Variants in RAD51B observed in about 807,000 individuals in gnomAD.
The protein encoded by RAD51B is RAD51 paralog B.
In RAD51B, 38 loss-of-function variants were observed where a neutral mutation model predicts 42.2. The observed-to-expected ratio is 0.90, with a 90% CI of 0.70 to 1.18. RAD51B has a LOEUF of 1.18. RAD51B is among the 50% of genes most tolerant of loss of function. RAD51B has a pLI of 0.00. For missense variants in RAD51B, 373 were observed against 400.7 expected, an observed-to-expected ratio of 0.93 and a Z score of 0.59; for synonymous variants, 154 against 145.2, an observed-to-expected ratio of 1.06 and a Z score of -0.43.
chr14:67,995,825 A>T (rs55958649), intron 7 of RAD51B, among the ~76,000 whole-genome samples: 3 of 151,700 alleles, frequency 2.0e-5, no homozygotes, highest in South Asian at 2.1e-4. Context: ...CACCGTGTTA[A>T]CCAGGATGGA....
chr14:68,372,505 C>CAATCCA (rs1566840155), intron 8 of RAD51B, among the ~76,000 whole-genome samples: 4 of 152,058 alleles, frequency 2.6e-5, no homozygotes, highest in African/African-American at 9.7e-5. Flanking sequence ...TTGAGATGCT[C>CAATCCA]GTCCAAGTGT....
rs1273869308 is a variant in RAD51B at position 67,893,498 on chromosome 14, ACACACAC to A, written c.756+6295_756+6301del. 8.8e-4 allele frequency among the ~76,000 whole-genome samples: 86 copies of A among 98,240 alleles called. 6 individuals carry two copies. Among genetic ancestry groups the A allele is most frequent in the African/African-American group, 3.2e-3 (68 of 21,000 alleles). The allele number at this position is 98,240 out of a possible 152,430, so 64.4% of individuals were successfully genotyped here. On this transcript the variant is annotated intron_variant, in intron 7 of 10. Coordinates refer to ENST00000471583, the MANE Select transcript of RAD51B (RefSeq NM_133510.4). ...CACACACACACACACACACACACAC[ACACACAC>A]ACACAAAAAAAAACAATTAGCTGGG...
chr14:67,904,510 CTT>C (rs3043929), intron 7 of RAD51B, among the ~76,000 whole-genome samples: 6,845 of 120,112 alleles, frequency 0.057, 253 homozygotes, highest in African/African-American at 0.17. Context: ...GGAATGTTGA[CTT>C]TTTTTTTTTT....
At chr14:68,055,770 C>T (rs1420973834) in intron 7 of RAD51B, among the ~76,000 whole-genome samples, 3 of 152,168 alleles carry the variant, frequency 2.0e-5, no homozygotes, top group African/African-American at 4.8e-5. Flanking sequence ...GTTGGTCACT[C>T]GTAGGCTGGC....
intron 8 of RAD51B, among the ~76,000 whole-genome samples, chr14:68,374,421 CTG>C (rs1280041973): frequency 6.6e-6 from 1 of 152,162 alleles, no homozygotes; most frequent in Non-Finnish European, 1.5e-5. Flanking sequence ...ATGTTCCTGA[CTG>C]TGAAACTTTT....
chr14:68,621,834 G>C (rs891945898), intron 10 of RAD51B, among the ~76,000 whole-genome samples: 5 of 152,248 alleles, frequency 3.3e-5, no homozygotes, highest in African/African-American at 1.2e-4. Context: ...CTCCTCAGTG[G>C]TGACGTGGGT....
At chr14:68,575,777 T>G (rs1889936465) in intron 10 of RAD51B, among the ~76,000 whole-genome samples, 1 of 152,234 alleles carries the variant, frequency 6.6e-6, no homozygotes, top group South Asian at 2.1e-4. Context: ...AAAGAGTCAG[T>G]GTCAGAAAGC....
intron 3 of RAD51B, among the ~76,000 whole-genome samples, chr14:67,830,597 T>G (rs1386316086): frequency 6.6e-6 from 1 of 152,082 alleles, no homozygotes; most frequent in Non-Finnish European, 1.5e-5. Flanking sequence ...AGATGGGGTT[T>G]TGCCATTGTC....
chr14:68,605,200 G>A (rs1408123317), intron 10 of RAD51B, among the ~76,000 whole-genome samples: 1 of 152,208 alleles, frequency 6.6e-6, no homozygotes, highest in East Asian at 1.9e-4. Context: ...TCACAGCAGG[G>A]CGGGTTCCTT....
chr14:68,096,124 A>G (rs1435031719), intron 7 of RAD51B, among the ~76,000 whole-genome samples: 1 of 152,130 alleles, frequency 6.6e-6, no homozygotes, highest in African/African-American at 2.4e-5. Context: ...TATATTTTTC[A>G]TGGATATTCT....
At chr14:68,547,280 C>T (rs1302884474) in intron 10 of RAD51B, among the ~76,000 whole-genome samples, 1 of 152,238 alleles carries the variant, frequency 6.6e-6, no homozygotes, top group Admixed American at 6.5e-5. Flanking sequence ...GATTAACCTC[C>T]TTTCTCAGCA....
intron 10 of RAD51B, among the ~76,000 whole-genome samples, chr14:68,638,315 T>G (rs773933965): frequency 6.6e-6 from 1 of 152,128 alleles, no homozygotes; most frequent in Non-Finnish European, 1.5e-5. Context: ...AGAACTTTAT[T>G]TTTAAAGAGC....
chr14:67,919,827 GT>G (rs2044265451), intron 7 of RAD51B, among the ~76,000 whole-genome samples: 1 of 152,222 alleles, frequency 6.6e-6, no homozygotes, highest in African/African-American at 2.4e-5. Context: ...ATCACCCATA[GT>G]TGGAATGGAG....
At chr14:68,006,177 A>G (rs897736601) in intron 7 of RAD51B, among the ~76,000 whole-genome samples, 1 of 152,184 alleles carries the variant, frequency 6.6e-6, no homozygotes, top group South Asian at 2.1e-4. Context: ...AAACCATACC[A>G]AGTGCCTACT....
intron 4 of RAD51B, among the ~76,000 whole-genome samples, chr14:67,840,940 T>A (rs1417890540): frequency 6.6e-6 from 1 of 152,182 alleles, no homozygotes; most frequent in Non-Finnish European, 1.5e-5. Flanking sequence ...TAGCTGGGAT[T>A]ACAGGTGTGT....
chr14:68,108,754 G>A (rs974835755), intron 7 of RAD51B, among the ~76,000 whole-genome samples: 4 of 151,926 alleles, frequency 2.6e-5, no homozygotes, highest in Non-Finnish European at 4.4e-5. Context: ...TTAAAAGGGC[G>A]AATTTTATGA....
intron 10 of RAD51B, among the ~76,000 whole-genome samples, chr14:68,631,086 A>G (rs1330007656): frequency 6.6e-6 from 1 of 152,188 alleles, no homozygotes; most frequent in Non-Finnish European, 1.5e-5. Context: ...TGTAGCCTCA[A>G]TCAAATGCTC....
rs17105790 is a variant in RAD51B at position 68,535,242 on chromosome 14, A to G, written c.1037-59243A>G. ...TGAGGTTAAAAGTTAAACAATAAAT[A>G]TGAACACTGATTTCAAAAGTTAGTC... On this transcript the variant is annotated intron_variant, in intron 10 of 10. Transcript: ENST00000487270. Among the ~76,000 whole-genome samples, 1,214 of 152,294 alleles carry G rather than the reference A, an allele frequency of 8.0e-3. 15 individuals carry two copies. Among genetic ancestry groups the G allele is most frequent in the African/African-American group, 0.028 (1,178 of 41,548 alleles).
At chr14:67,975,574 C>T (rs1268850165) in intron 7 of RAD51B, among the ~76,000 whole-genome samples, 1 of 152,232 alleles carries the variant, frequency 6.6e-6, no homozygotes, top group African/African-American at 2.4e-5. Flanking sequence ...GCTTCTTGAA[C>T]CCGAGTAGTC....
Sources: allele counts gnomAD v4.1 joint callset (sites outside exome capture counted in the v4.1 genomes callset), GRCh38; gene constraint gnomAD v4.1.1; transcripts MANE v1.5; gene names NCBI Gene and HGNC (gene_info 2026-07-23, HGNC 2026-07-21).